ALOX12B: variants seen among roughly 807,000 people sequenced by gnomAD.
ALOX12B encodes the protein arachidonate 12-lipoxygenase, 12R-type.
In ALOX12B, 47 loss-of-function variants were observed where a neutral mutation model predicts 78.9. The ratio of observed to expected loss-of-function variants is 0.60; its 90% CI spans 0.47 to 0.76. The LOEUF (loss-of-function observed/expected upper bound fraction) is 0.76. ALOX12B is among the 30% of genes least tolerant of loss of function. The probability of loss-of-function intolerance (pLI) is 0.00; values close to 1 mark genes in which losing one functional copy is unlikely to be tolerated. For synonymous variants in ALOX12B, 370 were observed against 374.5 expected (o/e 0.99, Z 0.14); for missense variants, 805 against 922.6 (o/e 0.87, Z 1.65).
In ALOX12B at chr17:8,080,015, A is replaced by C; in HGVS notation, c.755-74T>G. ...GGACGGAGAGGCATGGGACAGAAGA[A>C]GACTATGGGCACCGAGAGGAGTCGG... On this transcript the variant is annotated intron_variant, in intron 6 of 14. Transcript: ENST00000647874. The surrounding 1 kb of genome is among the most constrained non-coding windows in gnomAD (Gnocchi z 4.8). The C allele has an allele frequency of 6.4e-7, 1 of 1,567,952 alleles. No homozygotes were observed. Among genetic ancestry groups the C allele is most frequent in the Non-Finnish European group, 8.7e-7 (1 of 1,153,616 alleles).
In ALOX12B at chr17:8,087,538, G is replaced by C; in HGVS notation, c.-96C>G. 1.9e-6 allele frequency: 3 copies of C among 1,593,484 alleles called. No homozygotes were observed. Among genetic ancestry groups the C allele is most frequent in the Non-Finnish European group, 2.6e-6 (3 of 1,169,562 alleles). On this transcript the variant is annotated 5_prime_UTR_variant, in exon 1 of 15. Coordinates refer to ENST00000647874, the MANE Select transcript of ALOX12B (RefSeq NM_001139.3). ...GCAGGCAAGAGAAGCCAGGCACAGAGTGGAGTGGACAGGGCTGGCCTCCGA... is the reference window on the plus strand; with the variant it reads ...GCAGGCAAGAGAAGCCAGGCACAGACTGGAGTGGACAGGGCTGGCCTCCGA...
In ALOX12B at chr17:8,079,511, CG is replaced by C; in HGVS notation, c.955del (p.Arg319AlafsTer33). On this transcript the variant is annotated frameshift_variant, in exon 8 of 15. Coordinates refer to ENST00000647874, the MANE Select transcript of ALOX12B (RefSeq NM_001139.3). LOFTEE classifies it high-confidence loss of function. The surrounding 1 kb of genome is among the most constrained non-coding windows in gnomAD (Gnocchi z 6.4). ...EKGNIYLADY[R>X]IMEGIPTVEL... ...CACGGTGGGGATGCCCTCCATGATGCGGTAGTCGGCCAGGTAAATGTTCCCC... is the reference window on the plus strand; with the variant it reads ...CACGGTGGGGATGCCCTCCATGATGCGTAGTCGGCCAGGTAAATGTTCCCC... 1 of 1,550,832 alleles carries C rather than the reference CG, an allele frequency of 6.4e-7. No homozygotes were observed. Among genetic ancestry groups the C allele is most frequent in the South Asian group, 1.2e-5 (1 of 84,062 alleles).
At chr17:8,077,333 C>A in intron 8 of ALOX12B, 140 bp from the exon 9 acceptor site, 1 of 816,320 alleles carries the variant, frequency 1.2e-6, no homozygotes. Flanking sequence ...CCCTGAGCAC[C>A]CCTGGGCCTT....
chr17:8,077,083 C>T lies in ALOX12B; in HGVS notation c.1182G>A (p.Glu394=). ...GTGTCTCCAGCAGGTGGGCGATGGC[C>T]TCGTGGCTGTAGAACTCCGCATAGC... is the stretch of plus-strand genomic sequence containing the variant. ...WVRYAEFYSH[E]AIAHLLETHL... is the part of the protein sequence containing the mutation. Residue 394 remains glutamate (E), a synonymous_variant, in exon 9 of 15, where the codon GAG becomes GAA. Transcript: ENST00000647874. 6.2e-7 allele frequency: 1 copy of T among 1,614,046 alleles called. No homozygotes were observed. The highest frequency in any genetic ancestry group is 1.1e-5 in the South Asian group (1 of 91,072).
chr17:8,075,657 G>A lies in ALOX12B; in HGVS notation c.1592C>T (p.Pro531Leu), dbSNP rs769562383. The A allele has an allele frequency of 8.1e-6, 13 of 1,614,126 alleles. No individual in the cohort carries two copies. Among genetic ancestry groups the A allele is most frequent in the Admixed American group, 5.0e-5 (3 of 60,012 alleles). The change falls in exon 12 of 15, where the codon CCG becomes CTG. Residue 531 changes from proline to leucine, a missense_variant. Physicochemically the swap from Pro to Leu is moderately conservative, Grantham distance 98. Transcript: ENST00000647874. ...TTCCTGCACCCAAGACTGCAATTCCGGATCACCCTCCACGGCTGCGTCACT... is the reference window on the plus strand; with the variant it reads ...TTCCTGCACCCAAGACTGCAATTCCAGATCACCCTCCACGGCTGCGTCACT... ...YPSDAAVEGD[P>L]ELQSWVQEIF...
chr17:8,076,093 A>C, intron 11 of ALOX12B, 82 bp downstream of exon 11: 4 of 1,573,926 alleles, frequency 2.5e-6, no homozygotes, highest in Non-Finnish European at 3.5e-6. Flanking sequence ...ACCCACACTC[A>C]GTTCTCTAGA....
rs1371353235 is a variant in ALOX12B at position 8,080,607 on chromosome 17, G to A, written c.650+51C>T. 6.2e-7 allele frequency: 1 copy of A among 1,613,300 alleles called. No individual in the cohort carries two copies. Among genetic ancestry groups the A allele is most frequent in the African/African-American group, 1.3e-5 (1 of 74,928 alleles). The stretch of plus-strand genomic sequence containing the variant: ...TGGAGGCCGCCAAGGTTGGGGGAGA[G>A]GGAAAGTTCTTGCAGGAGCCCTCGT... On this transcript the variant is annotated intron_variant, in intron 5 of 14. Coordinates refer to ENST00000647874, the MANE Select transcript of ALOX12B (RefSeq NM_001139.3). The surrounding 1 kb of genome is among the most constrained non-coding windows in gnomAD (Gnocchi z 4.8).
intron 12 of ALOX12B, among the ~76,000 whole-genome samples, chr17:8,074,462 C>T (rs967180500): frequency 1.3e-5 from 2 of 151,844 alleles, no homozygotes; most frequent in Non-Finnish European, 2.9e-5. Flanking sequence ...CCCCTCCCTC[C>T]CCTCCTCCTC....
At chr17:8,082,390 C>T (rs1035893243) in intron 2 of ALOX12B, among the ~76,000 whole-genome samples, 3 of 152,114 alleles carry the variant, frequency 2.0e-5, no homozygotes, top group African/African-American at 4.8e-5. Flanking sequence ...AGGAGGAAAG[C>T]GTTCTTATCG....
rs893715094 is a variant in ALOX12B at position 8,076,664 on chromosome 17, G to T, written c.1355C>A (p.Ser452Tyr). 1 of 1,551,334 alleles carries T rather than the reference G, an allele frequency of 6.4e-7. No homozygotes were observed. Among genetic ancestry groups the T allele is most frequent in the Non-Finnish European group, 8.7e-7 (1 of 1,146,972 alleles). Residue 452 changes from serine (S) to tyrosine (Y), a missense_variant, in exon 10 of 15, where the codon TCT becomes TAT. By Grantham distance (144) the Ser-to-Tyr change is moderately radical. Coordinates refer to ENST00000647874, the MANE Select transcript of ALOX12B (RefSeq NM_001139.3). Reference sequence around the variant, plus strand: ...TGGGGGCAGAAGTCTTACCTTGGCAGAGAGCCCCCCCTCATTGAGGAGAAC... The same window carrying T: ...TGGGGGCAGAAGTCTTACCTTGGCATAGAGCCCCCCCTCATTGAGGAGAAC... ...RAVLLNEGGLSAKGMSLGVEG... is the reference protein window; with the variant it reads ...RAVLLNEGGLYAKGMSLGVEG...
rs1223676184 is a variant in ALOX12B at position 8,076,268 on chromosome 17, T to G, written c.1439A>C (p.Tyr480Ser). The G allele has an allele frequency of 2.0e-5, 32 of 1,613,628 alleles. No homozygotes were observed. Among genetic ancestry groups the G allele is most frequent in the Non-Finnish European group, 2.7e-5 (32 of 1,179,938 alleles). ...ACGCTCCACAAAGTCATTGGGGAGG[T>G]AGAGGCTGTCATAGGTGAGCTCCGA... ...ALSELTYDSL[Y>S]LPNDFVERGV... Residue 480 changes from tyrosine to serine, a missense_variant, in exon 11 of 15, where the codon TAC becomes TCC. By Grantham distance (144) the Tyr-to-Ser change is moderately radical. Transcript: ENST00000647874.
Position 8,081,129 on chromosome 17 carries a change from G to C in ALOX12B, c.411C>G (p.Ile137Met). The change falls in exon 3 of 15, where the codon ATC (isoleucine) becomes ATG (methionine). Residue 137 changes from isoleucine (I) to methionine (M), a missense_variant. By Grantham distance (10) the Ile-to-Met change is conservative. Coordinates refer to ENST00000647874, the MANE Select transcript of ALOX12B (RefSeq NM_001139.3). ...PVLLEHRKEE[I>M]RAKQDFYHWR... is the part of the protein sequence containing the mutation. ...ACTGGTAGAAGTCCTGCTTGGCTCT[G>C]ATCTCCTCTTTTCTGTGCTCCAGGA... 6.2e-7 allele frequency: 1 copy of C among 1,613,832 alleles called. No homozygotes were observed. The highest frequency in any genetic ancestry group is 8.5e-7 in the Non-Finnish European group (1 of 1,179,992).
At chr17:8,073,896 G>A (rs1977033190) in intron 12 of ALOX12B, 139 bp from the exon 13 acceptor site, 1 of 734,822 alleles carries the variant, frequency 1.4e-6, no homozygotes, top group Non-Finnish European at 2.4e-6. Flanking sequence ...TCCTGCCTGC[G>A]TGACCCTCCT....
intron 2 of ALOX12B, among the ~76,000 whole-genome samples, chr17:8,082,570 C>T (rs1314688119): frequency 1.3e-5 from 2 of 152,218 alleles, no homozygotes; most frequent in East Asian, 3.9e-4. Flanking sequence ...GCTGTTTGAG[C>T]ACAAAGGAGA....
In ALOX12B at chr17:8,077,021, C is replaced by T; in HGVS notation, c.1244G>A (p.Arg415Lys). The change falls in exon 9 of 15, where the codon AGG (arginine) becomes AAG (lysine). Residue 415 changes from arginine (R) to lysine (K), a missense_variant. Arg to Lys is a conservative substitution (Grantham distance 26, BLOSUM62 2). Coordinates refer to ENST00000647874, the MANE Select transcript of ALOX12B (RefSeq NM_001139.3). ...GAGGGGGTGGCACATGGGCAGGTTC[C>T]TCAGCAAGGCCAGGCAGAAGGCCTC... ...IAEAFCLALL[R>K]NLPMCHPLYK... 1 of 1,613,916 alleles carries T rather than the reference C, an allele frequency of 6.2e-7. No homozygotes were observed. Among genetic ancestry groups the T allele is most frequent in the Non-Finnish European group, 8.5e-7 (1 of 1,179,984 alleles).
Position 8,080,930 on chromosome 17 carries a change from T to C in ALOX12B, c.481A>G (p.Ser161Gly), listed in dbSNP as rs1977203671. ...TGCCTCCGCACCGGAGGGCGGTAACTGGGAATGTGCACATAGCTGGGCAGG... is the reference window on the plus strand; with the variant it reads ...TGCCTCCGCACCGGAGGGCGGTAACCGGGAATGTGCACATAGCTGGGCAGG... Reference protein sequence around the residue: ...PGLPSYVHIPSYRPPVRRHRN... With the variant: ...PGLPSYVHIPGYRPPVRRHRN... Residue 161 changes from serine to glycine, a missense_variant, in exon 4 of 15, where the codon AGT becomes GGT. Coordinates refer to ENST00000647874, the MANE Select transcript of ALOX12B (RefSeq NM_001139.3). The surrounding 1 kb of genome is among the most constrained non-coding windows in gnomAD (Gnocchi z 4.8). 1.2e-6 allele frequency: 2 copies of C among 1,613,756 alleles called. No individual in the cohort carries two copies. Among genetic ancestry groups the C allele is most frequent in the Non-Finnish European group, 1.7e-6 (2 of 1,179,950 alleles).
intron 10 of ALOX12B, 121 bp downstream of exon 10, chr17:8,076,536 C>CTCCCT (rs1421747863): frequency 3.8e-6 from 5 of 1,315,274 alleles, no homozygotes; most frequent in African/African-American, 1.5e-5. Context: ...CTTCATCCAG[C>CTCCCT]TCCCTCCCTT....
At chr17:8,081,079 C>G (rs377373464) in intron 3 of ALOX12B, 27 bp downstream of exon 3, 12 of 1,613,210 alleles carry the variant, frequency 7.4e-6, no homozygotes, top group Non-Finnish European at 9.3e-6. Context: ...CTGCCGGGCG[C>G]CCAGACTCTG....
intron 3 of ALOX12B, 57 bp downstream of exon 3, chr17:8,081,048 GC>G (rs1003301299): frequency 1.8e-5 from 29 of 1,612,156 alleles, no homozygotes; most frequent in Non-Finnish European, 2.4e-5. Context: ...AGCCATCACT[GC>G]CCCCCACCTC....
Sources: allele counts gnomAD v4.1 joint callset (sites outside exome capture counted in the v4.1 genomes callset), GRCh38; gene constraint gnomAD v4.1.1; non-coding constraint Gnocchi (gnomAD v3.1); transcripts MANE v1.5; gene names NCBI Gene and HGNC (gene_info 2026-07-23, HGNC 2026-07-21).